The following ZBED4 variants were observed in gnomAD, a reference collection of about 807,000 sequenced individuals.
ZBED4 encodes the protein zinc finger BED-type containing 4.
ZBED4 carries 4 observed loss-of-function variants against 15.5 expected under a neutral mutation model. That is an observed-to-expected ratio of 0.26 (90% confidence interval 0.13 to 0.59). ZBED4 has a LOEUF of 0.59. Ranked by LOEUF, ZBED4 falls within the 20% of genes least tolerant of loss-of-function variation. ZBED4 has a pLI of 0.90. For missense variants in ZBED4, 1,323 were observed against 1,461.8 expected (o/e 0.91, Z 1.55); for synonymous variants, 692 against 608.5 (o/e 1.14, Z -2.02).
chr22:49,864,726 C>T (rs1474278042), intron 1 of ZBED4, among the ~76,000 whole-genome samples: 2 of 136,644 alleles, frequency 1.5e-5, no homozygotes, highest in East Asian at 2.4e-4. Context: ...GAGGCTGAGG[C>T]GGGAGGATTG....
intron 1 of ZBED4, among the ~76,000 whole-genome samples, chr22:49,866,354 C>T (rs898228730): frequency 4.6e-5 from 7 of 151,578 alleles, no homozygotes; most frequent in East Asian, 3.9e-4. Flanking sequence ...TAAATTGGTC[C>T]GTTTCTCTTG....
chr22:49,865,277 T>A (rs2060316915), intron 1 of ZBED4, among the ~76,000 whole-genome samples: 1 of 152,132 alleles, frequency 6.6e-6, no homozygotes, highest in Non-Finnish European at 1.5e-5. Flanking sequence ...GGTGTCGTTA[T>A]CTTATGTAGC....
At chr22:49,877,932 C>T (rs562052686) in intron 1 of ZBED4, among the ~76,000 whole-genome samples, 1 of 152,250 alleles carries the variant, frequency 6.6e-6, no homozygotes, top group East Asian at 1.9e-4. Context: ...GCATAATGAT[C>T]CATTGTAGGG....
intron 1 of ZBED4, among the ~76,000 whole-genome samples, chr22:49,875,550 A>G: frequency 6.6e-6 from 1 of 151,654 alleles, no homozygotes; most frequent in Non-Finnish European, 1.5e-5. Flanking sequence ...CCTCTCAGGT[A>G]GCTGGGGTTA....
intron 1 of ZBED4, among the ~76,000 whole-genome samples, chr22:49,876,897 T>G (rs983457249): frequency 6.6e-6 from 1 of 152,260 alleles, no homozygotes; most frequent in Non-Finnish European, 1.5e-5. Flanking sequence ...ACACGTGGTG[T>G]TAACATCGTT....
Position 49,886,920 on chromosome 22 carries a change from T to C in ZBED4, c.3258T>C (p.Leu1086=). 1 of 1,614,020 alleles carries C rather than the reference T, an allele frequency of 6.2e-7. No individual in the cohort carries two copies. The highest frequency in any genetic ancestry group is 2.2e-5 in the East Asian group (1 of 44,864). Residue 1086 remains leucine (L), a synonymous_variant, in exon 2 of 2, where the codon CTT becomes CTC. Coordinates refer to ENST00000216268, the MANE Select transcript of ZBED4 (RefSeq NM_014838.3). This position sits in a 1 kb window ranked among gnomAD's most constrained non-coding sequence, Gnocchi z 7.7. The part of the protein sequence containing the change: ...PREKLPEAMV[L]AYLEEEVLEH... The stretch of plus-strand genomic sequence containing the variant: ...AAAAGCTGCCTGAAGCCATGGTGCT[T>C]GCGTATCTGGAGGAGGAGGTGCTTG...
At chr22:49,882,214 T>A (rs2060413093) in intron 1 of ZBED4, among the ~76,000 whole-genome samples, 1 of 152,230 alleles carries the variant, frequency 6.6e-6, no homozygotes, top group Non-Finnish European at 1.5e-5. Context: ...CCTGTGTCCC[T>A]TGAAGAGTTC....
intron 1 of ZBED4, among the ~76,000 whole-genome samples, chr22:49,854,944 G>A (rs2060268665): frequency 6.6e-6 from 1 of 152,182 alleles, no homozygotes. Flanking sequence ...TATTTTTTCT[G>A]TGTATGTCAT....
In ZBED4 at chr22:49,884,653, A is replaced by T. The variant is rs765834662; in HGVS notation, c.991A>T (p.Met331Leu). 6.2e-7 allele frequency: 1 copy of T among 1,612,372 alleles called. No homozygotes were observed. Among genetic ancestry groups the T allele is most frequent in the Non-Finnish European group, 8.5e-7 (1 of 1,179,148 alleles). ...GGGCACGAGCTGCCTCATCAGGCAC[A>T]TGTGGAGGGCACACCGCGCCATCGT... is the stretch of plus-strand genomic sequence containing the variant. ...DLGTSCLIRH[M>L]WRAHRAIVLQ... Residue 331 changes from methionine (M) to leucine (L), a missense_variant, in exon 2 of 2, where the codon ATG becomes TTG. This residue lies in a region of ZBED4 where 13 missense variants were observed against 30.5 expected (regional missense o/e 0.43). Transcript: ENST00000216268.
chr22:49,859,008 T>TGCCCCCCACAG (rs2060286359), intron 1 of ZBED4, among the ~76,000 whole-genome samples: 2 of 152,038 alleles, frequency 1.3e-5, no homozygotes, highest in Admixed American at 6.5e-5. Context: ...TCACTGGCCC[T>TGCCCCCCACAG]TTAAATTGTG....
intron 1 of ZBED4, among the ~76,000 whole-genome samples, chr22:49,865,904 G>A (rs1283458232): frequency 1.3e-5 from 2 of 150,664 alleles, no homozygotes; most frequent in Non-Finnish European, 3.0e-5. Flanking sequence ...AGAGCTGGGG[G>A]TCTCACTATA....
At chr22:49,862,303 C>T (rs2147505034) in intron 1 of ZBED4, among the ~76,000 whole-genome samples, 1 of 152,318 alleles carries the variant, frequency 6.6e-6, no homozygotes, top group East Asian at 1.9e-4. Context: ...CGGCGGAGGC[C>T]TTACTTTTTT....
chr22:49,859,206 G>C (rs733382), intron 1 of ZBED4, among the ~76,000 whole-genome samples: 140,344 of 152,158 alleles, frequency 0.92, 64,823 homozygotes, highest in African/African-American at 0.98. Context: ...TCTTTGTTAC[G>C]TCTTAGAAAA....
Position 49,885,264 on chromosome 22 carries a change from C to G in ZBED4, c.1602C>G (p.Ser534=), listed in dbSNP as rs1265019986. The part of the protein sequence containing the change: ...PYATLASAES[S]SSKLTDLPTV... ...CCACTTTGGCCTCTGCAGAAAGTTC[C>G]TCTTCCAAATTGACTGACTTGCCAA... The change falls in exon 2 of 2, where the codon TCC becomes TCG. Residue 534 remains serine (S), a synonymous_variant. Coordinates refer to ENST00000216268, the MANE Select transcript of ZBED4 (RefSeq NM_014838.3). 1 of 1,599,178 alleles carries G rather than the reference C, an allele frequency of 6.3e-7. No individual in the cohort carries two copies.
At chr22:49,867,994 A>G (rs917659523) in intron 1 of ZBED4, among the ~76,000 whole-genome samples, 1 of 152,208 alleles carries the variant, frequency 6.6e-6, no homozygotes, top group Non-Finnish European at 1.5e-5. Flanking sequence ...CTAGGAAAAG[A>G]TCAACATTCA....
Position 49,886,300 on chromosome 22 carries a change from C to A in ZBED4, c.2638C>A (p.Pro880Thr). ...LAELQREYALPQHHLIQDVPS... is the reference protein window; with the variant it reads ...LAELQREYALTQHHLIQDVPS... ...CGAGCTGCAGAGGGAGTACGCGCTGCCTCAGCATCACCTCATCCAGGACGT... is the reference window on the plus strand; with the variant it reads ...CGAGCTGCAGAGGGAGTACGCGCTGACTCAGCATCACCTCATCCAGGACGT... The change falls in exon 2 of 2, where the codon CCT (proline) becomes ACT (threonine). Residue 880 changes from proline to threonine, a missense_variant. Around this residue, in one of 6 missense-constraint regions of ZBED4, gnomAD observed 312 missense variants for 410.7 expected, o/e 0.76. Coordinates refer to ENST00000216268, the MANE Select transcript of ZBED4 (RefSeq NM_014838.3). This position sits in a 1 kb window ranked among gnomAD's most constrained non-coding sequence, Gnocchi z 7.7. The A allele has an allele frequency of 1.3e-6, 2 of 1,531,526 alleles. No individual in the cohort carries two copies. Among genetic ancestry groups the A allele is most frequent in the Non-Finnish European group, 1.8e-6 (2 of 1,118,642 alleles). The allele number at this position is 1,531,526 out of a possible 1,614,324, so 94.9% of individuals were successfully genotyped here.
At chr22:49,877,804 G>T (rs1420987382) in intron 1 of ZBED4, among the ~76,000 whole-genome samples, 1 of 151,982 alleles carries the variant, frequency 6.6e-6, no homozygotes, top group African/African-American at 2.4e-5. Flanking sequence ...TGTGTCTTCT[G>T]CCCCTCGTGG....
chr22:49,884,159 C>T lies in ZBED4; in HGVS notation c.497C>T (p.Pro166Leu). 6.2e-7 allele frequency: 1 copy of T among 1,613,008 alleles called. No homozygotes were observed. Among genetic ancestry groups the T allele is most frequent in the Non-Finnish European group, 8.5e-7 (1 of 1,179,512 alleles). ...ATGAGGCACGTGAGGCGCGCACACC[C>T]GACCGTGCTCATTCAGGAAAATGGC... ...CLMRHVRRAH[P>L]TVLIQENGSV... The change falls in exon 2 of 2, where the codon CCG becomes CTG. Residue 166 changes from proline to leucine, a missense_variant. Transcript: ENST00000216268.
At chr22:49,881,801 G>C (rs990654066) in intron 1 of ZBED4, among the ~76,000 whole-genome samples, 2 of 152,160 alleles carry the variant, frequency 1.3e-5, no homozygotes, top group African/African-American at 4.8e-5. Context: ...CCAAGTACTA[G>C]GGTTACAGGC....
Sources: gnomAD v4.1 joint callset for allele counts (sites outside exome capture counted in the v4.1 genomes callset) on GRCh38, gnomAD v4.1.1 for gene constraint, gnomAD v4.1.1 regional missense constraint, Gnocchi (gnomAD v3.1) non-coding constraint, MANE v1.5 for transcripts, NCBI Gene and HGNC (gene_info 2026-07-23, HGNC 2026-07-21) for gene names.